The following FBLN1 variants were observed in gnomAD, a reference collection of about 807,000 sequenced individuals.
The protein encoded by FBLN1 is fibulin-1.
In FBLN1, 34 loss-of-function variants were observed where a neutral mutation model predicts 89.7. The observed-to-expected ratio is 0.38, with a 90% confidence interval of 0.29 to 0.50. The LOEUF (loss-of-function observed/expected upper bound fraction) is 0.50. FBLN1 is among the 20% of genes least tolerant of loss of function. The pLI, the probability that FBLN1 is intolerant of heterozygous loss-of-function variation, is 0.92. For missense variants in FBLN1, 777 were observed against 988.1 expected, an observed-to-expected ratio of 0.79 and a Z score of 2.86; for synonymous variants, 393 against 391.3, an observed-to-expected ratio of 1.00 and a Z score of -0.05.
chr22:45,580,010 C>T lies in FBLN1; in HGVS notation c.1972+2902C>T, dbSNP rs144530664. 5.9e-5 allele frequency among the ~76,000 whole-genome samples: 9 copies of T among 152,216 alleles called. No individual in the cohort carries two copies. The East Asian group carries it at 1.8e-3, about 30-fold the overall frequency. On this transcript the variant is annotated intron_variant, in intron 16 of 16. Transcript: ENST00000327858. The surrounding 1 kb of genome is among the most constrained non-coding windows in gnomAD (Gnocchi z 8.6). ...TTGCCGGCTCCTTACCGTTGCTGGG[C>T]ACCTTCACCCCCGCATTCCCCAGTC... is the stretch of plus-strand genomic sequence containing the variant.
At chr22:45,503,249 T>G (rs1007718488) in intron 1 of FBLN1, 185 bp downstream of exon 1, 1 of 334,034 alleles carries the variant, frequency 3.0e-6, no homozygotes, top group Non-Finnish European at 5.2e-6. Context: ...GGTCCTCATC[T>G]CCTCCCCGGC....
intron 16 of FBLN1, among the ~76,000 whole-genome samples, chr22:45,598,301 C>T (rs969549259): frequency 4.6e-5 from 7 of 152,186 alleles, no homozygotes; most frequent in Admixed American, 1.3e-4. Flanking sequence ...CACGTGGTAC[C>T]GGAAATTTGC....
chr22:45,586,950 C>A (rs3788667), intron 16 of FBLN1, among the ~76,000 whole-genome samples: 13,015 of 152,102 alleles, frequency 0.086, 664 homozygotes, highest in Middle Eastern at 0.19. Flanking sequence ...CAGTACAGGG[C>A]CAGAGGTCCC....
rs1282324885 is a variant in FBLN1 at position 45,536,345 on chromosome 22, T to C, written c.922+1008T>C. ...AAGATGAAAAAGTTCTGGAGATGGA[T>C]GGGGGTGATGGTGGCACGACAGTGT... On this transcript the variant is annotated intron_variant, in intron 8 of 16. Coordinates refer to ENST00000327858, the MANE Select transcript of FBLN1 (RefSeq NM_006486.3). This position sits in a 1 kb window ranked among gnomAD's most constrained non-coding sequence, Gnocchi z 5.1. Among the ~76,000 whole-genome samples the C allele has an allele frequency of 2.0e-5, 3 of 151,916 alleles. No individual in the cohort carries two copies. The highest frequency in any genetic ancestry group is 7.3e-5 in the African/African-American group (3 of 41,328).
intron 1 of FBLN1, chr22:45,517,767 C>G (rs1312887734): frequency 5.1e-6 from 2 of 390,000 alleles, no homozygotes; most frequent in Non-Finnish European, 1.1e-5. Context: ...TTATGTCCCC[C>G]CTCCTGCCCC....
chr22:45,550,127 A>G lies in FBLN1; in HGVS notation c.1574-365A>G, dbSNP rs1212030275. On this transcript the variant is annotated intron_variant, in intron 13 of 16. Transcript: ENST00000327858. The surrounding 1 kb of genome is among the most constrained non-coding windows in gnomAD (Gnocchi z 8.4). ...ATGTGTGACCTCAGGCAGGTCTCTT[A>G]AGCTCTGTGAGCTCCTCATAAAATG... Among the ~76,000 whole-genome samples the G allele has an allele frequency of 6.6e-6, 1 of 152,064 alleles. No individual in the cohort carries two copies. The highest frequency in any genetic ancestry group is 2.4e-5 in the African/African-American group (1 of 41,408).
rs755244341 is a variant in FBLN1 at position 45,527,993 on chromosome 22, G to A, written c.468G>A (p.Gly156=). The A allele has an allele frequency of 1.2e-6, 2 of 1,614,218 alleles. No homozygotes were observed. Among genetic ancestry groups the A allele is most frequent in the Admixed American group, 1.7e-5 (1 of 60,036 alleles). ...AGGAGACCGGAGATTTGGATGTCGG[G>A]GGCCTCCAAGAAACGGGTAACTTTC... is the stretch of plus-strand genomic sequence containing the variant. ...KSQETGDLDV[G]GLQETDKIIE... is the part of the protein sequence containing the mutation. Residue 156 remains glycine, a synonymous_variant, in exon 4 of 17, where the codon GGG becomes GGA. Transcript: ENST00000327858.
At position 45,545,117 on chromosome 22, in the gene FBLN1, G is replaced by T. The variant is rs912439209; in HGVS notation, c.1321+1591G>T. Among the ~76,000 whole-genome samples, 1 of 152,226 alleles carries T rather than the reference G, an allele frequency of 6.6e-6. No individual in the cohort carries two copies. The highest frequency in any genetic ancestry group is 2.4e-5 in the African/African-American group (1 of 41,446). On this transcript the variant is annotated intron_variant, in intron 11 of 16. Transcript: ENST00000327858. The surrounding 1 kb of genome is among the most constrained non-coding windows in gnomAD (Gnocchi z 5.9). ...TGGATATGCCACAGTGAGCTGTGGT[G>T]TGCATGATTCTCAAATCGGAGGACG...
In FBLN1 at chr22:45,580,262, G is replaced by A. The variant is rs3788655; in HGVS notation, c.1972+3154G>A. 4.4e-3 allele frequency among the ~76,000 whole-genome samples: 666 copies of A among 152,286 alleles called. 21 individuals are homozygous for A. In the East Asian group the frequency reaches 0.062, roughly 14 times the overall value. On this transcript the variant is annotated intron_variant, in intron 16 of 16. Coordinates refer to ENST00000327858, the MANE Select transcript of FBLN1 (RefSeq NM_006486.3). This position sits in a 1 kb window ranked among gnomAD's most constrained non-coding sequence, Gnocchi z 8.6. The stretch of plus-strand genomic sequence containing the variant: ...CTTCCAGGGCTGCTGCTCCTGGTGG[G>A]GAGCGTGGGAGGCTCTTGAGCCTCC...
rs1325698302 is a variant in FBLN1, at chr22:45,562,048, C to T, written c.1697+11433C>T. The stretch of plus-strand genomic sequence containing the variant: ...CAAATGTGACTCTCTTTTGGCAACA[C>T]CCTCACAGACACACCCAGGATCAAT... On this transcript the variant is annotated intron_variant, in intron 14 of 16. Transcript: ENST00000327858. The surrounding 1 kb of genome is among the most constrained non-coding windows in gnomAD (Gnocchi z 7.8). Among the ~76,000 whole-genome samples, 1 of 152,178 alleles carries T rather than the reference C, an allele frequency of 6.6e-6. No homozygotes were observed. The highest frequency in any genetic ancestry group is 1.5e-5 in the Non-Finnish European group (1 of 68,036).
At position 45,577,090 on chromosome 22, in the gene FBLN1, A is replaced by G. The variant is rs1302815178; in HGVS notation, c.1954A>G (p.Met652Val). The change falls in exon 16 of 17, where the codon ATG becomes GTG. Residue 652 changes from methionine (M) to valine (V), a missense_variant. Transcript: ENST00000327858. The surrounding 1 kb of genome is among the most constrained non-coding windows in gnomAD (Gnocchi z 6.6). ...RDSFDIIKRY[M>V]DGMTVGVVRQ... ...CTCTTTTGACATCATCAAGCGTTAC[A>G]TGGACGGCATGACCGTGGGTGAGTG... The G allele has an allele frequency of 6.2e-7, 1 of 1,614,048 alleles. No individual in the cohort carries two copies. Among genetic ancestry groups the G allele is most frequent in the Non-Finnish European group, 8.5e-7 (1 of 1,180,022 alleles).
intron 12 of FBLN1, 40 bp from the exon 13 acceptor site, chr22:45,548,566 GGCCAGGT>G: frequency 6.2e-7 from 1 of 1,611,772 alleles, no homozygotes; most frequent in Non-Finnish European, 8.5e-7. Context: ...CAGCAGCCAT[GGCCAGGT>G]GCCAGGACAC....
intron 16 of FBLN1, 49 bp from the exon 17 acceptor site, chr22:45,600,258 T>C (rs1920924576): frequency 1.2e-6 from 2 of 1,612,806 alleles, no homozygotes; most frequent in Non-Finnish European, 1.7e-6. Flanking sequence ...GATCTCTACG[T>C]TGCTGCAGTC....
At chr22:45,586,561 G>A (rs1297025732) in intron 16 of FBLN1, among the ~76,000 whole-genome samples, 1 of 152,272 alleles carries the variant, frequency 6.6e-6, no homozygotes, top group African/African-American at 2.4e-5. Context: ...CACAAAGGCA[G>A]TGGTGCTCGT....
rs1214665191 is a variant in FBLN1 at position 45,597,205 on chromosome 22, G to A, written c.1973-3102G>A. On this transcript the variant is annotated intron_variant, in intron 16 of 16. Coordinates refer to ENST00000327858, the MANE Select transcript of FBLN1 (RefSeq NM_006486.3). The surrounding 1 kb of genome is among the most constrained non-coding windows in gnomAD (Gnocchi z 4.2). ...TTTTGTAGAGACAGGGTTTTGCCAC[G>A]TTGCCCACGCTGGTCTCGAACTCAT... Among the ~76,000 whole-genome samples the A allele has an allele frequency of 4.6e-5, 7 of 152,078 alleles. No individual in the cohort carries two copies. Among genetic ancestry groups the A allele is most frequent in the African/African-American group, 9.7e-5 (4 of 41,396 alleles).
Position 45,518,695 on chromosome 22 carries a change from C to T in FBLN1, c.93C>T (p.Val31=), listed in dbSNP as rs2088204364. 6.2e-7 allele frequency: 1 copy of T among 1,607,640 alleles called. No individual in the cohort carries two copies. Among genetic ancestry groups the T allele is most frequent in the Non-Finnish European group, 8.5e-7 (1 of 1,177,278 alleles). ...ALLAAGVDAD[V]LLEACCADGH... is the part of the protein sequence containing the mutation. ...TTCCCTGCACAGTGGACGCGGATGT[C>T]CTCCTGGAGGCCTGCTGTGCGGACG... The change falls in exon 2 of 17, where the codon GTC becomes GTT. Residue 31 remains valine (V), a synonymous_variant. Transcript: ENST00000327858.
In FBLN1 at chr22:45,531,194, A is replaced by T; in HGVS notation, c.485-71A>T. ...TGCCTGATAGTGACAAGAAGAGAGA[A>T]TGTTGGGAGTTTCTTTTAAGATAAG... On this transcript the variant is annotated intron_variant, in intron 4 of 16. Coordinates refer to ENST00000327858, the MANE Select transcript of FBLN1 (RefSeq NM_006486.3). The surrounding 1 kb of genome is among the most constrained non-coding windows in gnomAD (Gnocchi z 4.9). 3.8e-6 allele frequency: 5 copies of T among 1,313,644 alleles called. No individual in the cohort carries two copies. The highest frequency in any genetic ancestry group is 5.5e-6 in the Non-Finnish European group (5 of 906,474). The allele number at this position is 1,313,644 out of a possible 1,614,324, so 81.4% of individuals were successfully genotyped here. A position where few individuals can be genotyped will look rare whatever the true frequency, so the allele number is the denominator to read the frequency against.
At position 45,550,831 on chromosome 22, in the gene FBLN1, T is replaced by A. The variant is rs530500810; in HGVS notation, c.1697+216T>A. ...GGGGTAACTGCAAATGAGTCTGGGG[T>A]CTATAGTCATGTTTTCAGGCCAAGG... On this transcript the variant is annotated intron_variant, in intron 14 of 16. Transcript: ENST00000327858. The surrounding 1 kb of genome is among the most constrained non-coding windows in gnomAD (Gnocchi z 8.4). The A allele has an allele frequency of 3.7e-5, 24 of 649,280 alleles. No homozygotes were observed. The African/African-American group carries it at 4.0e-4, about 11-fold the overall frequency. 40.2% of individuals were successfully genotyped at this position (649,280 alleles called of 1,614,324 possible).
chr22:45,582,317 C>G (rs1015247570), intron 16 of FBLN1, among the ~76,000 whole-genome samples: 1 of 152,228 alleles, frequency 6.6e-6, no homozygotes, highest in Non-Finnish European at 1.5e-5. Context: ...TCCTTTCACA[C>G]AGTCACAGTG....
Sources: gnomAD v4.1 joint callset for allele counts (sites outside exome capture counted in the v4.1 genomes callset) on GRCh38, gnomAD v4.1.1 for gene constraint, Gnocchi (gnomAD v3.1) non-coding constraint, MANE v1.5 for transcripts, NCBI Gene and HGNC (gene_info 2026-07-23, HGNC 2026-07-21) for gene names.